Variants in BIRC3 observed in about 807,000 individuals in gnomAD.
BIRC3 encodes the protein baculoviral IAP repeat-containing protein 3.
A neutral mutation model predicts 59.0 loss-of-function variants in BIRC3; 26 were observed. The ratio of observed to expected loss-of-function variants is 0.44; its 90% CI spans 0.32 to 0.61. The LOEUF (loss-of-function observed/expected upper bound fraction) is 0.61. BIRC3 is among the 20% of genes least tolerant of loss of function. BIRC3 has a pLI of 0.04. For synonymous variants in BIRC3, 243 were observed against 249.2 expected, an observed-to-expected ratio of 0.98 and a Z score of 0.24; for missense variants, 641 against 711.5, an observed-to-expected ratio of 0.90 and a Z score of 1.13.
At position 102,337,828 on chromosome 11, in the gene BIRC3, GTT is replaced by G. The variant is rs1339209894; in HGVS notation, c.*728_*729del. 2 of 231,648 alleles carry G rather than the reference GTT, an allele frequency of 8.6e-6. No individual in the cohort carries two copies. Among genetic ancestry groups the G allele is most frequent in the Non-Finnish European group, 1.7e-5 (2 of 117,302 alleles). The allele number at this position is 231,648 out of a possible 1,614,324, so 14.3% of individuals were successfully genotyped here. A position where few individuals can be genotyped will look rare whatever the true frequency, so the allele number is the denominator to read the frequency against. Reference sequence around the variant, plus strand: ...AAAGCCTCTCAAATATTGAACTACAGTTTATACTCCTTCCCATAAGATGCTTC... The same window carrying G: ...AAAGCCTCTCAAATATTGAACTACAGTATACTCCTTCCCATAAGATGCTTC... On this transcript the variant is annotated 3_prime_UTR_variant, in exon 9 of 9. Coordinates refer to ENST00000263464, the MANE Select transcript of BIRC3 (RefSeq NM_001165.5).
intron 1 of BIRC3, among the ~76,000 whole-genome samples, chr11:102,320,988 A>G (rs1291648411): frequency 2.0e-5 from 3 of 152,344 alleles, no homozygotes; most frequent in African/African-American, 7.2e-5. Context: ...GAAGCTTGGA[A>G]TCTAGAATGT....
intron 1 of BIRC3, among the ~76,000 whole-genome samples, chr11:102,317,941 A>G (rs578035808): frequency 1.3e-5 from 2 of 152,316 alleles, no homozygotes; most frequent in African/African-American, 4.8e-5. Flanking sequence ...ACAGGAAGGA[A>G]GTAAAACGTT....
intron 2 of BIRC3, 44 bp from the exon 3 acceptor site, chr11:102,325,422 C>G: frequency 6.3e-7 from 1 of 1,593,946 alleles, no homozygotes; most frequent in Non-Finnish European, 8.5e-7. Flanking sequence ...TTTTAGTGGG[C>G]AAATTATGTG....
chr11:102,336,428 CA>C (rs2135792837), intron 7 of BIRC3: 1 of 601,382 alleles, frequency 1.7e-6, no homozygotes. Flanking sequence ...CCCATCACTA[CA>C]AAAAATTTTT....
At position 102,336,862 on chromosome 11, in the gene BIRC3, C is replaced by T. The variant is rs17883028; in HGVS notation, c.1622-47C>T. On this transcript the variant is annotated intron_variant, in intron 8 of 8. Transcript: ENST00000263464. Reference sequence around the variant, plus strand: ...TTGTCTTTATTTTCTTAGTTTTTCACTGAAGAAGCAAACTGCCTTTTATTA... The same window carrying T: ...TTGTCTTTATTTTCTTAGTTTTTCATTGAAGAAGCAAACTGCCTTTTATTA... 3,852 of 1,588,896 alleles carry T rather than the reference C, an allele frequency of 2.4e-3. 82 individuals are homozygous for T. The African/African-American group carries it at 0.047, about 19-fold the overall frequency.
In BIRC3 at chr11:102,324,886, C is replaced by G; in HGVS notation, c.377C>G (p.Pro126Arg). 6.2e-7 allele frequency: 1 copy of G among 1,614,184 alleles called. No homozygotes were observed. The highest frequency in any genetic ancestry group is 8.5e-7 in the Non-Finnish European group (1 of 1,180,020). Residue 126 changes from proline (P) to arginine (R), a missense_variant, in exon 2 of 9, where the codon CCG becomes CGG. Physicochemically the swap from Pro to Arg is moderately radical, Grantham distance 103. Transcript: ENST00000263464. The part of the protein sequence containing the change: ...SVTNSTHSLL[P>R]GTENSGYFRG... ...ACAAATTCCACACACTCATTACTTCCGGGTACAGAAAACAGTGGATATTTC... is the reference window on the plus strand; with the variant it reads ...ACAAATTCCACACACTCATTACTTCGGGGTACAGAAAACAGTGGATATTTC...
intron 6 of BIRC3, among the ~76,000 whole-genome samples, chr11:102,332,305 T>C (rs1468297165): frequency 6.6e-6 from 1 of 152,218 alleles, no homozygotes; most frequent in Admixed American, 6.5e-5. Context: ...TCAACACAGC[T>C]GAAAACAGAC....
chr11:102,327,965 A>C (rs1210289301), intron 3 of BIRC3, 87 bp from the exon 4 acceptor site: 14 of 977,318 alleles, frequency 1.4e-5, no homozygotes, highest in South Asian at 1.2e-4. Flanking sequence ...AATGGAATAA[A>C]CACCTAGAGA....
chr11:102,335,828 C>T, intron 6 of BIRC3, 138 bp from the exon 7 acceptor site: 1 of 846,094 alleles, frequency 1.2e-6, no homozygotes, highest in Non-Finnish European at 1.8e-6. Context: ...ATGAGACACC[C>T]CTAAACCTAG....
intron 1 of BIRC3, among the ~76,000 whole-genome samples, chr11:102,319,428 A>G (rs1390166976): frequency 6.6e-6 from 1 of 152,196 alleles, no homozygotes; most frequent in East Asian, 1.9e-4. Context: ...AGGCCAGTCG[A>G]GAGTGACAGG....
In BIRC3 at chr11:102,337,098, C is replaced by A; in HGVS notation, c.1811C>A (p.Ser604Ter). Residue 604 changes from serine to a stop codon, truncating the protein, a stop_gained, in exon 9 of 9, where the codon TCA becomes TAA. Transcript: ENST00000263464. LOFTEE classifies it high-confidence loss of function. ...AAGGGTACAGTTCGTACATTTCTTT[C>A]ATGAAGAAGAACCAAAACATCGTCT... ...TIKGTVRTFL[S>*] The A allele has an allele frequency of 6.7e-7, 1 of 1,487,844 alleles. No individual in the cohort carries two copies. Among genetic ancestry groups the A allele is most frequent in the South Asian group, 1.5e-5 (1 of 67,792 alleles). 92.2% of individuals were successfully genotyped at this position (1,487,844 alleles called of 1,614,324 possible). A position where few individuals can be genotyped will look rare whatever the true frequency, so the allele number is the denominator to read the frequency against.
chr11:102,321,110 T>C (rs1453407518), intron 1 of BIRC3, among the ~76,000 whole-genome samples: 1 of 152,358 alleles, frequency 6.6e-6, no homozygotes. Flanking sequence ...AAATGAGGCA[T>C]GCAGATTAAT....
chr11:102,319,288 C>T (rs1162172922), intron 1 of BIRC3, among the ~76,000 whole-genome samples: 1 of 152,064 alleles, frequency 6.6e-6, no homozygotes. Context: ...CCTCGTGATC[C>T]ACTCGCCTCA....
chr11:102,321,682 G>T (rs1207414680), intron 1 of BIRC3, among the ~76,000 whole-genome samples, 155 bp from the exon 2 acceptor site: 2 of 152,086 alleles, frequency 1.3e-5, no homozygotes, highest in Admixed American at 6.6e-5. Context: ...TCTCTTTTTG[G>T]CCTCTACAGT....
At chr11:102,326,353 C>T (rs1207381621) in intron 3 of BIRC3, among the ~76,000 whole-genome samples, 3 of 152,164 alleles carry the variant, frequency 2.0e-5, no homozygotes, top group Non-Finnish European at 4.4e-5. Flanking sequence ...CTGTTTTAGT[C>T]GCCACGCAGC....
chr11:102,330,620 T>C (rs981979638), intron 5 of BIRC3, among the ~76,000 whole-genome samples: 22 of 152,226 alleles, frequency 1.4e-4, no homozygotes, highest in African/African-American at 5.1e-4. Context: ...TTTATAACCA[T>C]AGCCTCTCTG....
intron 6 of BIRC3, among the ~76,000 whole-genome samples, chr11:102,331,725 A>T (rs1951144044): frequency 6.6e-6 from 1 of 152,128 alleles, no homozygotes; most frequent in African/African-American, 2.4e-5. Context: ...ACTCACTGCA[A>T]CTTCTGCCTC....
chr11:102,338,459 A>G lies in BIRC3; in HGVS notation c.*1357A>G, dbSNP rs1472584723. 1 of 229,342 alleles carries G rather than the reference A, an allele frequency of 4.4e-6. No individual in the cohort carries two copies. The highest frequency in any genetic ancestry group is 2.2e-5 in the African/African-American group (1 of 45,144). 14.2% of individuals were successfully genotyped at this position (229,342 alleles called of 1,614,324 possible). On this transcript the variant is annotated 3_prime_UTR_variant, in exon 9 of 9. Transcript: ENST00000263464. The stretch of plus-strand genomic sequence containing the variant: ...TTTACATCACCGGGGAGCCTTCGTA[A>G]TGAAGATCCAAAATTACAGGGGAAA...
chr11:102,335,919 G>A (rs1286219640), intron 6 of BIRC3, 47 bp from the exon 7 acceptor site: 2 of 1,553,566 alleles, frequency 1.3e-6, no homozygotes, highest in Non-Finnish European at 1.7e-6. Flanking sequence ...AAGGAAGTTT[G>A]TGAGCAGAGT....
Sources: allele counts gnomAD v4.1 joint callset (sites outside exome capture counted in the v4.1 genomes callset), GRCh38; gene constraint gnomAD v4.1.1; transcripts MANE v1.5; gene names NCBI Gene and HGNC (gene_info 2026-07-23, HGNC 2026-07-21).